The following PKP4 variants were observed in gnomAD, a reference collection of about 807,000 sequenced individuals.
PKP4 encodes plakophilin 4, also known as plakophilin-4.
A neutral mutation model predicts 145.1 loss-of-function variants in PKP4; 90 were observed. The ratio of observed to expected loss-of-function variants is 0.62; its 90% CI spans 0.52 to 0.74. PKP4 has a LOEUF of 0.74. Among genes scored for constraint, PKP4 ranks in the 30% least tolerant of loss-of-function variants. The pLI, the probability that PKP4 is intolerant of heterozygous loss-of-function variation, is 0.00. For synonymous variants in PKP4, 563 were observed against 577.2 expected (o/e 0.98, Z 0.35); for missense variants, 1,340 against 1,482.7 (o/e 0.90, Z 1.58).
chr2:158,677,883 C>T (rs762555932), intron 20 of PKP4, among the ~76,000 whole-genome samples: 5 of 152,152 alleles, frequency 3.3e-5, no homozygotes, highest in Non-Finnish European at 5.9e-5. Context: ...GTATCTTCTT[C>T]GCTTGCTTCA....
intron 17 of PKP4, 96 bp from the exon 18 acceptor site, chr2:158,673,581 G>A (rs944888403): frequency 2.3e-6 from 2 of 875,230 alleles, no homozygotes; most frequent in East Asian, 2.4e-5. Flanking sequence ...CCCTGAGAGC[G>A]ATGGCCTGTT....
chr2:158,585,161 CCT>C (rs2048698763), intron 3 of PKP4, among the ~76,000 whole-genome samples: 1 of 152,084 alleles, frequency 6.6e-6, no homozygotes, highest in Non-Finnish European at 1.5e-5. Flanking sequence ...GCATTTGGTC[CCT>C]TCACATTGTT....
chr2:158,624,768 TA>T, intron 6 of PKP4, 109 bp from the exon 7 acceptor site: 1 of 792,902 alleles, frequency 1.3e-6, no homozygotes, highest in Non-Finnish European at 1.9e-6. Context: ...CTTAGATGCC[TA>T]AAATAGTGGA....
rs577449251 is a variant in PKP4, at chr2:158,540,682, T to A, written c.132+7366T>A. ...TTTTAGTTTAAACAGGCTATCAGTA[T>A]GTATTATGTCAGTTTTATGTAAGTT... is the stretch of plus-strand genomic sequence containing the variant. On this transcript the variant is annotated intron_variant, in intron 2 of 21. Transcript: ENST00000389759. Among the ~76,000 whole-genome samples, 50 of 152,332 alleles carry A rather than the reference T, an allele frequency of 3.3e-4. 1 individual carries two copies. Among genetic ancestry groups the A allele is most frequent in the African/African-American group, 1.2e-3 (49 of 41,580 alleles).
chr2:158,551,331 C>T (rs2045601574), intron 2 of PKP4, among the ~76,000 whole-genome samples: 1 of 152,136 alleles, frequency 6.6e-6, no homozygotes, highest in African/African-American at 2.4e-5. Flanking sequence ...CTGAATCTTC[C>T]CTCTTCCCTG....
intron 1 of PKP4, among the ~76,000 whole-genome samples, chr2:158,484,376 G>A (rs953489759): frequency 1.3e-5 from 2 of 152,168 alleles, no homozygotes; most frequent in Non-Finnish European, 2.9e-5. Flanking sequence ...TCTTGAATCC[G>A]TGCTAACTCA....
At chr2:158,478,144 TATA>T (rs1692784644) in intron 1 of PKP4, among the ~76,000 whole-genome samples, 2 of 152,264 alleles carry the variant, frequency 1.3e-5, no homozygotes, top group African/African-American at 4.8e-5. Context: ...TCATGTTAGC[TATA>T]AGATGTAAGG....
intron 1 of PKP4, among the ~76,000 whole-genome samples, chr2:158,508,407 G>T (rs1298529766): frequency 6.7e-6 from 1 of 148,806 alleles, no homozygotes; most frequent in Non-Finnish European, 1.5e-5. Flanking sequence ...AGATGCCAGT[G>T]AAGGAAAGTT....
chr2:158,544,470 A>C (rs1040068669), intron 2 of PKP4, among the ~76,000 whole-genome samples: 7 of 152,228 alleles, frequency 4.6e-5, no homozygotes, highest in Non-Finnish European at 7.3e-5. Flanking sequence ...TTGTCAAATT[A>C]GAAATTTTAA....
intron 13 of PKP4, chr2:158,661,762 G>A (rs1479129657): frequency 4.0e-6 from 1 of 247,824 alleles, no homozygotes; most frequent in Non-Finnish European, 8.1e-6. Flanking sequence ...TAGAATCAGA[G>A]CCATCAGTAT....
At chr2:158,526,722 T>G (rs949877246) in intron 1 of PKP4, among the ~76,000 whole-genome samples, 3 of 83,084 alleles carry the variant, frequency 3.6e-5, no homozygotes, top group East Asian at 3.6e-4. Flanking sequence ...ACATGATTGT[T>G]TATCTAGAAA....
chr2:158,678,310 G>T (rs529843665), intron 20 of PKP4, among the ~76,000 whole-genome samples: 1 of 152,212 alleles, frequency 6.6e-6, no homozygotes. Flanking sequence ...GAACCTTTGC[G>T]CATGGGCTCT....
chr2:158,641,427 A>G (rs944246415), intron 10 of PKP4, among the ~76,000 whole-genome samples: 1 of 152,224 alleles, frequency 6.6e-6, no homozygotes, highest in Non-Finnish European at 1.5e-5. Context: ...GGTGCCAACT[A>G]TAAATAAGTT....
chr2:158,633,633 C>A (rs2053575740), intron 8 of PKP4, among the ~76,000 whole-genome samples: 1 of 152,158 alleles, frequency 6.6e-6, no homozygotes, highest in Admixed American at 6.5e-5. Flanking sequence ...TAAGGATGGA[C>A]TACTGTAGAA....
intron 1 of PKP4, among the ~76,000 whole-genome samples, chr2:158,529,954 C>T (rs2043367501): frequency 6.6e-6 from 1 of 152,148 alleles, no homozygotes; most frequent in African/African-American, 2.4e-5. Context: ...CAAGGTCAGA[C>T]CTCTGGCATT....
chr2:158,658,987 C>G (rs12477526), intron 12 of PKP4: 4 of 152,384 alleles, frequency 2.6e-5, no homozygotes, highest in Admixed American at 2.6e-4. Flanking sequence ...GTTTGAGCCT[C>G]CGTTTCCTCA....
At chr2:158,470,326 G>C (rs539101502) in intron 1 of PKP4, among the ~76,000 whole-genome samples, 2 of 152,068 alleles carry the variant, frequency 1.3e-5, no homozygotes, top group African/African-American at 4.8e-5. Flanking sequence ...TATAAGGCCC[G>C]TTACAGTCAA....
At chr2:158,553,479 C>T (rs1046717933) in intron 2 of PKP4, among the ~76,000 whole-genome samples, 2 of 152,194 alleles carry the variant, frequency 1.3e-5, no homozygotes, top group Non-Finnish European at 2.9e-5. Context: ...CCAGCTTGAA[C>T]TGAAAAGGAC....
intron 1 of PKP4, among the ~76,000 whole-genome samples, chr2:158,517,639 G>A (rs1559255954): frequency 6.6e-6 from 1 of 152,026 alleles, no homozygotes; most frequent in African/African-American, 2.4e-5. Flanking sequence ...GCACATTCCT[G>A]TGCTACTTGC....
Sources: allele counts gnomAD v4.1 joint callset (sites outside exome capture counted in the v4.1 genomes callset), GRCh38; gene constraint gnomAD v4.1.1; transcripts MANE v1.5; gene names NCBI Gene and HGNC (gene_info 2026-07-23, HGNC 2026-07-21).